SLC25A13: variants seen among roughly 807,000 people sequenced by gnomAD.
SLC25A13 encodes the protein solute carrier family 25 member 13.
In SLC25A13, 70 loss-of-function variants were observed where a neutral mutation model predicts 85.5. That is an observed-to-expected ratio of 0.82 (90% CI 0.68 to 1.00). The LOEUF (loss-of-function observed/expected upper bound fraction) is 1.00. SLC25A13 is among the 50% of genes least tolerant of loss of function. The pLI is 0.00. For synonymous variants in SLC25A13, 259 were observed against 288.7 expected, an observed-to-expected ratio of 0.90 and a Z score of 1.04; for missense variants, 765 against 819.8, an observed-to-expected ratio of 0.93 and a Z score of 0.82.
chr7:96,233,500 G>A (rs55835524), intron 4 of SLC25A13, among the ~76,000 whole-genome samples: 7,351 of 152,186 alleles, frequency 0.048, 258 homozygotes, highest in Non-Finnish European at 0.074. Context: ...TCTAGAAACC[G>A]GGCAAGTATA....
At chr7:96,299,659 A>C (rs1476977679) in intron 1 of SLC25A13, among the ~76,000 whole-genome samples, 2 of 152,236 alleles carry the variant, frequency 1.3e-5, no homozygotes, top group Non-Finnish European at 2.9e-5. Context: ...AACTTGCATT[A>C]GCTGGCAATA....
chr7:96,149,971 G>T (rs1011591878), intron 13 of SLC25A13, among the ~76,000 whole-genome samples: 9 of 151,888 alleles, frequency 5.9e-5, no homozygotes, highest in South Asian at 2.1e-4. Context: ...TGTTTTTTTT[G>T]TGTGTGTGCA....
chr7:96,165,929 T>C (rs925848557), intron 13 of SLC25A13, among the ~76,000 whole-genome samples: 1 of 152,232 alleles, frequency 6.6e-6, no homozygotes, highest in African/African-American at 2.4e-5. Flanking sequence ...TAATAAAACC[T>C]TGCCTTAAAA....
rs1024088586 is a variant in SLC25A13, at chr7:96,277,333, T to C, written c.75A>G (p.Ala25=). The change falls in exon 3 of 18, where the codon GCA becomes GCG. Residue 25 remains alanine, a synonymous_variant. Transcript: ENST00000265631. ...AELRTIFLKY[A]SIEKNGEFFM... ...AAAATTCACCGTTTTTCTCAATGCT[T>C]GCATACTGTTTAAAAAAAAGAAAAA... 1.2e-6 allele frequency: 2 copies of C among 1,611,960 alleles called. No homozygotes were observed. Among genetic ancestry groups the C allele is most frequent in the Non-Finnish European group, 8.5e-7 (1 of 1,178,922 alleles).
intron 14 of SLC25A13, among the ~76,000 whole-genome samples, chr7:96,139,393 C>CT (rs938117331): frequency 4.6e-5 from 7 of 151,394 alleles, no homozygotes; most frequent in Admixed American, 1.3e-4. Context: ...TTTAAAAGTT[C>CT]TTTTTTTTTC....
chr7:96,228,040 T>G (rs1584482977), intron 4 of SLC25A13, among the ~76,000 whole-genome samples: 1 of 152,184 alleles, frequency 6.6e-6, no homozygotes, highest in East Asian at 1.9e-4. Flanking sequence ...ATTTTTGTAT[T>G]TTTACTAAAG....
intron 4 of SLC25A13, among the ~76,000 whole-genome samples, chr7:96,216,179 G>GA (rs1437515688): frequency 6.6e-6 from 1 of 150,708 alleles, no homozygotes; most frequent in African/African-American, 2.4e-5. Flanking sequence ...AAGAAAAAAA[G>GA]AAAGTGTTAA....
intron 1 of SLC25A13, chr7:96,306,704 C>A (rs1028727990): frequency 1.1e-6 from 1 of 897,300 alleles, no homozygotes; most frequent in Non-Finnish European, 1.7e-6. Context: ...AAACGGTGAG[C>A]TTAGTCCCAT....
chr7:96,281,391 CAAAA>C (rs748690314), intron 2 of SLC25A13, among the ~76,000 whole-genome samples: 1 of 57,102 alleles, frequency 1.8e-5, no homozygotes. Flanking sequence ...AACTCCATCT[CAAAA>C]AAAAAAAAAA....
Position 96,277,354 on chromosome 7 carries a change from A to C in SLC25A13, c.70-16T>G. 1 of 1,602,932 alleles carries C rather than the reference A, an allele frequency of 6.2e-7. No individual in the cohort carries two copies. Among genetic ancestry groups the C allele is most frequent in the Non-Finnish European group, 8.5e-7 (1 of 1,172,974 alleles). ...TGCTTGCATACTGTTTAAAAAAAAG[A>C]AAAACAGTATTTTATATATTTGATT... On this transcript the variant is annotated splice_polypyrimidine_tract_variant and intron_variant, in intron 2 of 17. Transcript: ENST00000265631.
At chr7:96,218,214 C>T (rs1246646569) in intron 4 of SLC25A13, among the ~76,000 whole-genome samples, 1 of 152,094 alleles carries the variant, frequency 6.6e-6, no homozygotes, top group Non-Finnish European at 1.5e-5. Context: ...TTTTTAATTT[C>T]TCAAAAAGCA....
intron 3 of SLC25A13, among the ~76,000 whole-genome samples, chr7:96,275,112 G>A (rs1366867587): frequency 1.3e-5 from 2 of 152,086 alleles, no homozygotes; most frequent in South Asian, 2.1e-4. Context: ...CCATTTTCAC[G>A]ACATTGATTC....
Position 96,234,816 on chromosome 7 carries a change from C to T in SLC25A13, c.314G>A (p.Gly105Glu), listed in dbSNP as rs1796685010. ...ATGCTTCTTACCAAAAGTTACTTCTCCTTTGCCAGCTTTGTCAAACAGCTG... is the reference window on the plus strand; with the variant it reads ...ATGCTTCTTACCAAAAGTTACTTCTTCTTTGCCAGCTTTGTCAAACAGCTG... ...AFQLFDKAGK[G>E]EVTFEDVKQV... Residue 105 changes from glycine to glutamate, a missense_variant, in exon 4 of 18, where the codon GGA becomes GAA. Coordinates refer to ENST00000265631, the MANE Select transcript of SLC25A13 (RefSeq NM_014251.3). The T allele has an allele frequency of 6.2e-7, 1 of 1,613,346 alleles. No individual in the cohort carries two copies.
At chr7:96,227,802 G>T (rs1057267452) in intron 4 of SLC25A13, among the ~76,000 whole-genome samples, 1 of 152,128 alleles carries the variant, frequency 6.6e-6, no homozygotes, top group Admixed American at 6.5e-5. Context: ...AATCTGAAAG[G>T]AAAGCAAACT....
rs1798491714 is a variant in SLC25A13, at chr7:96,277,296, T to C, written c.112A>G (p.Asn38Asp). ...TTCAAGTATCGAGTGACAAAGTCATTGGGGGACATGAAAAATTCACCGTTT... is the reference window on the plus strand; with the variant it reads ...TTCAAGTATCGAGTGACAAAGTCATCGGGGGACATGAAAAATTCACCGTTT... ...EKNGEFFMSP[N>D]DFVTRYLNIF... The change falls in exon 3 of 18, where the codon AAT becomes GAT. Residue 38 changes from asparagine (N) to aspartate (D), a missense_variant. Physicochemically the swap from Asn to Asp is conservative, Grantham distance 23. Coordinates refer to ENST00000265631, the MANE Select transcript of SLC25A13 (RefSeq NM_014251.3). 5 of 1,613,098 alleles carry C rather than the reference T, an allele frequency of 3.1e-6. No homozygotes were observed. The highest frequency in any genetic ancestry group is 4.2e-6 in the Non-Finnish European group (5 of 1,179,544).
At chr7:96,273,484 A>G (rs1798324469) in intron 3 of SLC25A13, among the ~76,000 whole-genome samples, 1 of 152,170 alleles carries the variant, frequency 6.6e-6, no homozygotes, top group South Asian at 2.1e-4. Flanking sequence ...GTGCAATAAT[A>G]GCATGGGGGG....
At chr7:96,149,546 G>A (rs760326181) in intron 13 of SLC25A13, among the ~76,000 whole-genome samples, 10 of 152,194 alleles carry the variant, frequency 6.6e-5, no homozygotes, top group Non-Finnish European at 8.8e-5. Flanking sequence ...GCAGATGCAC[G>A]GGGAAGAAAG....
At chr7:96,305,374 A>G (rs1416917922) in intron 1 of SLC25A13, among the ~76,000 whole-genome samples, 1 of 152,244 alleles carries the variant, frequency 6.6e-6, no homozygotes, top group East Asian at 1.9e-4. Context: ...TGGCATTATG[A>G]TTCATAAATG....
intron 9 of SLC25A13, among the ~76,000 whole-genome samples, chr7:96,185,657 G>A (rs1584425209): frequency 6.6e-6 from 1 of 152,026 alleles, no homozygotes; most frequent in South Asian, 2.1e-4. Flanking sequence ...TCAGGAGGCC[G>A]AGGTGGGTGG....
Sources: gnomAD v4.1 joint callset for allele counts (sites outside exome capture counted in the v4.1 genomes callset) on GRCh38, gnomAD v4.1.1 for gene constraint, MANE v1.5 for transcripts, NCBI Gene and HGNC (gene_info 2026-07-23, HGNC 2026-07-21) for gene names.